GPC6: variants seen among roughly 807,000 people sequenced by gnomAD.
GPC6 encodes glypican 6.
In GPC6, 14 loss-of-function variants were observed where a neutral mutation model predicts 55.2. That is an observed-to-expected ratio of 0.25 (90% CI 0.17 to 0.40). GPC6 has a LOEUF of 0.40. Among genes scored for constraint, GPC6 ranks in the 10% least tolerant of loss-of-function variants. GPC6 has a pLI of 1.00. For missense variants in GPC6, 641 were observed against 708.5 expected (o/e 0.90, Z 1.08); for synonymous variants, 278 against 259.6 (o/e 1.07, Z -0.68).
rs9556337 is a variant in GPC6 at position 93,910,260 on chromosome 13, C to T, written c.711+79715C>T. On this transcript the variant is annotated intron_variant, in intron 3 of 8. Coordinates refer to ENST00000377047, the MANE Select transcript of GPC6 (RefSeq NM_005708.5). ...GTGAATAAGTCTCACAATTATAAAG[C>T]AGAGTTTCCCTGCACCAGCTATCTT... 2.0e-5 allele frequency among the ~76,000 whole-genome samples: 3 copies of T among 152,246 alleles called. No homozygotes were observed. In the East Asian group the frequency reaches 5.8e-4, roughly 29 times the overall value.
intron 6 of GPC6, among the ~76,000 whole-genome samples, chr13:94,358,295 A>AG (rs1566715939): frequency 6.6e-6 from 1 of 151,880 alleles, no homozygotes; most frequent in African/African-American, 2.4e-5. Flanking sequence ...TCAAAAAAAA[A>AG]AAAAAAGAAA....
At chr13:93,400,746 T>G (rs1876041462) in intron 1 of GPC6, among the ~76,000 whole-genome samples, 1 of 151,970 alleles carries the variant, frequency 6.6e-6, no homozygotes, top group Non-Finnish European at 1.5e-5. Context: ...AAATTAAAAA[T>G]TAAAAACTAA....
At chr13:93,977,787 A>C (rs1880592875) in intron 3 of GPC6, among the ~76,000 whole-genome samples, 1 of 152,116 alleles carries the variant, frequency 6.6e-6, no homozygotes, top group Non-Finnish European at 1.5e-5. Flanking sequence ...TTTGACTTGT[A>C]GACAATTCCC....
At chr13:93,765,126 A>G (rs1193645599) in intron 2 of GPC6, among the ~76,000 whole-genome samples, 1 of 152,098 alleles carries the variant, frequency 6.6e-6, no homozygotes, top group Non-Finnish European at 1.5e-5. Context: ...ATTCATAAGC[A>G]TATGTTTTTA....
chr13:93,945,149 G>A (rs1403875678), intron 3 of GPC6, among the ~76,000 whole-genome samples: 6 of 152,118 alleles, frequency 3.9e-5, no homozygotes, highest in African/African-American at 1.2e-4. Context: ...GAAAAAGAAA[G>A]TATGCATATA....
At chr13:93,567,221 T>A (rs542267296) in intron 2 of GPC6, among the ~76,000 whole-genome samples, 1 of 152,136 alleles carries the variant, frequency 6.6e-6, no homozygotes, top group African/African-American at 2.4e-5. Context: ...CAATATGTGC[T>A]GTAATAGACA....
At chr13:93,617,881 G>T (rs973874373) in intron 2 of GPC6, among the ~76,000 whole-genome samples, 2 of 151,972 alleles carry the variant, frequency 1.3e-5, no homozygotes, top group African/African-American at 4.8e-5. Context: ...AAAGTCAGGT[G>T]TGTTATTCCT....
At chr13:93,963,837 AAAT>A (rs1473065635) in intron 3 of GPC6, among the ~76,000 whole-genome samples, 33 of 152,210 alleles carry the variant, frequency 2.2e-4, no homozygotes, top group Admixed American at 1.7e-3. Flanking sequence ...GATGTTGTCA[AAAT>A]AAGAGCAACC....
intron 2 of GPC6, among the ~76,000 whole-genome samples, chr13:93,545,831 T>C (rs1320781563): frequency 2.0e-5 from 3 of 152,206 alleles, no homozygotes; most frequent in African/African-American, 4.8e-5. Flanking sequence ...AGGCTTGTTT[T>C]AAATGTCAGC....
At chr13:93,439,952 G>T (rs1045341021) in intron 1 of GPC6, among the ~76,000 whole-genome samples, 1 of 152,096 alleles carries the variant, frequency 6.6e-6, no homozygotes, top group Non-Finnish European at 1.5e-5. Flanking sequence ...TAGTTTTATT[G>T]TAAATGTTTA....
chr13:93,394,045 T>C (rs1376801733), intron 1 of GPC6, among the ~76,000 whole-genome samples: 1 of 152,224 alleles, frequency 6.6e-6, no homozygotes, highest in Non-Finnish European at 1.5e-5. Context: ...TGTTTAGTCA[T>C]GTTCTCCTGA....
chr13:93,803,482 G>A (rs1434017475), intron 2 of GPC6, among the ~76,000 whole-genome samples: 1 of 152,128 alleles, frequency 6.6e-6, no homozygotes, highest in African/African-American at 2.4e-5. Flanking sequence ...TACATTGCTG[G>A]TGGGAATGCA....
intron 2 of GPC6, among the ~76,000 whole-genome samples, chr13:93,670,729 A>G (rs1034439593): frequency 2.0e-5 from 3 of 152,202 alleles, no homozygotes; most frequent in Admixed American, 6.6e-5. Context: ...CTCACTCAGT[A>G]ACGGTTTTAC....
intron 4 of GPC6, among the ~76,000 whole-genome samples, chr13:94,082,027 G>A (rs1885117889): frequency 6.6e-6 from 1 of 151,876 alleles, no homozygotes; most frequent in African/African-American, 2.4e-5. Flanking sequence ...TTTTAGTAGA[G>A]ACGGGGTTTC....
chr13:94,286,519 T>C, intron 5 of GPC6, 40 bp downstream of exon 5: 1 of 1,570,938 alleles, frequency 6.4e-7, no homozygotes, highest in Non-Finnish European at 8.8e-7. Context: ...ACATGTATGT[T>C]ATACAGGTGC....
intron 3 of GPC6, among the ~76,000 whole-genome samples, chr13:93,850,252 A>G (rs1240466193): frequency 6.6e-6 from 1 of 151,948 alleles, no homozygotes; most frequent in South Asian, 2.1e-4. Context: ...ACTCTTTGGC[A>G]GGTGCAGTGG....
chr13:94,198,123 A>T (rs1005463740), intron 4 of GPC6, among the ~76,000 whole-genome samples: 1 of 152,198 alleles, frequency 6.6e-6, no homozygotes, highest in African/African-American at 2.4e-5. Flanking sequence ...CAGGTGTTTC[A>T]GCTGTTAAGT....
Position 93,717,265 on chromosome 13 carries a change from T to A in GPC6, c.320-112889T>A, listed in dbSNP as rs138309817. On this transcript the variant is annotated intron_variant, in intron 2 of 8. Transcript: ENST00000377047. ...GTTATTCTATAAATAAAAGGTCCAG[T>A]TTACCTTCATAATGAAAGCATATTT... Among the ~76,000 whole-genome samples, 628 of 151,822 alleles carry A rather than the reference T, an allele frequency of 4.1e-3. 5 individuals are homozygous for A. The highest frequency in any genetic ancestry group is 0.014 in the African/African-American group (595 of 41,496).
intron 1 of GPC6, among the ~76,000 whole-genome samples, chr13:93,361,620 A>G (rs905438972): frequency 6.6e-6 from 1 of 152,216 alleles, no homozygotes; most frequent in African/African-American, 2.4e-5. Flanking sequence ...ATATATTCAT[A>G]AAAAGAAAAA....
Sources: gnomAD v4.1 joint callset for allele counts (sites outside exome capture counted in the v4.1 genomes callset) on GRCh38, gnomAD v4.1.1 for gene constraint, MANE v1.5 for transcripts, NCBI Gene and HGNC (gene_info 2026-07-23, HGNC 2026-07-21) for gene names.